RANBP2: variants seen among roughly 807,000 people sequenced by gnomAD.
The protein encoded by RANBP2 is RAN binding protein 2, also known as E3 SUMO-protein ligase RanBP2.
RANBP2 carries 57 observed loss-of-function variants against 303.6 expected under a neutral mutation model. That is an observed-to-expected ratio of 0.19 (90% CI 0.15 to 0.23). RANBP2 has a LOEUF of 0.23. Ranked by LOEUF, RANBP2 falls within the 10% of genes least tolerant of loss-of-function variation. RANBP2 has a pLI of 1.00. For synonymous variants in RANBP2, 1,167 were observed against 1,301.5 expected, an observed-to-expected ratio of 0.90 and a Z score of 2.23; for missense variants, 3,138 against 3,780.8, an observed-to-expected ratio of 0.83 and a Z score of 4.46.
chr2:109,121,064 G>T, the RANBP2 span, among the ~76,000 whole-genome samples: 2 of 152,118 alleles, frequency 1.3e-5, no homozygotes, highest in African/African-American at 2.4e-5. Flanking sequence ...AGCTAACATG[G>T]TGAAACCCCG....
At chr2:109,405,381 G>C in the RANBP2 span, among the ~76,000 whole-genome samples, 1 of 152,116 alleles carries the variant, frequency 6.6e-6, no homozygotes, top group South Asian at 2.1e-4. Flanking sequence ...CTGCCCCTGA[G>C]TTCCCTCCTG....
At chr2:109,389,436 A>T in the RANBP2 span, among the ~76,000 whole-genome samples, 3 of 152,204 alleles carry the variant, frequency 2.0e-5, no homozygotes, top group Admixed American at 6.5e-5. Context: ...ATACCGCATG[A>T]GTGTGTGAGC....
the RANBP2 span, among the ~76,000 whole-genome samples, chr2:109,019,808 G>C: frequency 6.6e-6 from 1 of 152,190 alleles, no homozygotes; most frequent in Non-Finnish European, 1.5e-5. Flanking sequence ...CCTGTCCACA[G>C]TACAATGAAA....
the RANBP2 span, among the ~76,000 whole-genome samples, chr2:108,902,961 G>A: frequency 4.6e-4 from 70 of 152,168 alleles, no homozygotes; most frequent in Non-Finnish European, 5.1e-4. Context: ...GAAATAAAAC[G>A]GTCCCATTTG....
the RANBP2 span, among the ~76,000 whole-genome samples, chr2:109,053,828 C>G: frequency 6.6e-6 from 1 of 152,076 alleles, no homozygotes; most frequent in Non-Finnish European, 1.5e-5. Context: ...TGTCCCTCTC[C>G]CACCCCCTCC....
At chr2:109,518,913 A>ATTTTTTTTTTTT in the RANBP2 span, among the ~76,000 whole-genome samples, 1 of 133,402 alleles carries the variant, frequency 7.5e-6, no homozygotes, top group African/African-American at 3.2e-5. Context: ...GGTGCTACAT[A>ATTTTTTTTTTTT]TCTTTTTTTT....
chr2:109,352,436 C>A, the RANBP2 span, among the ~76,000 whole-genome samples: 3 of 152,210 alleles, frequency 2.0e-5, no homozygotes, highest in East Asian at 5.8e-4. Context: ...GTGGAGGCCA[C>A]GGTCCCCTCA....
chr2:109,152,590 T>C, the RANBP2 span, among the ~76,000 whole-genome samples: 1 of 152,252 alleles, frequency 6.6e-6, no homozygotes, highest in East Asian at 1.9e-4. Flanking sequence ...TTACATTGTG[T>C]ATTATCAGAT....
rs141533438 is a variant in RANBP2, at chr2:108,765,198, A to C, written c.4659A>C (p.Leu1553Phe). ...KEGQWDCSSC[L>F]VRNEANATRC... The stretch of plus-strand genomic sequence containing the variant: ...GACAGTGGGATTGCAGTTCATGCTT[A>C]GTGCGAAATGAAGCAAATGCTACAA... Residue 1553 changes from leucine to phenylalanine, a missense_variant, in exon 20 of 29, where the codon TTA (leucine) becomes TTC (phenylalanine). By Grantham distance (22) the Leu-to-Phe change is conservative. This residue lies in a region of RANBP2 where 388 missense variants were observed against 328.5 expected (regional missense o/e 1.18). Coordinates refer to ENST00000283195, the MANE Select transcript of RANBP2 (RefSeq NM_006267.5). The C allele has an allele frequency of 1.2e-6, 2 of 1,614,158 alleles. No individual in the cohort carries two copies. The highest frequency in any genetic ancestry group is 3.3e-5 in the Admixed American group (2 of 60,016).
chr2:108,790,408 C>G (rs973662475), downstream of RANBP2, among the ~76,000 whole-genome samples: 1 of 152,106 alleles, frequency 6.6e-6, no homozygotes, highest in Non-Finnish European at 1.5e-5. Context: ...TAGTTGTGAT[C>G]TGGTCTGAAA....
chr2:109,103,004 C>G, the RANBP2 span, among the ~76,000 whole-genome samples: 68 of 152,288 alleles, frequency 4.5e-4, 3 homozygotes, highest in East Asian at 0.013. Context: ...AAGGAGCAAG[C>G]AGGTGGCAGC....
the RANBP2 span, among the ~76,000 whole-genome samples, chr2:109,209,058 C>G: frequency 6.6e-6 from 1 of 152,202 alleles, no homozygotes; most frequent in African/African-American, 2.4e-5. Context: ...AGACCCACAC[C>G]AACTTTCCGT....
the RANBP2 span, among the ~76,000 whole-genome samples, chr2:109,221,896 AC>A: frequency 3.9e-5 from 6 of 152,266 alleles, no homozygotes; most frequent in East Asian, 1.9e-4. Context: ...TCAAAGGGAT[AC>A]CTGCACCCCT....
At chr2:109,666,871 A>G in the RANBP2 span, among the ~76,000 whole-genome samples, 2 of 152,206 alleles carry the variant, frequency 1.3e-5, no homozygotes, top group Admixed American at 1.3e-4. Flanking sequence ...ATAGTTTTAT[A>G]CCATAGAAAT....
chr2:109,018,937 G>A, the RANBP2 span, among the ~76,000 whole-genome samples: 4 of 152,360 alleles, frequency 2.6e-5, no homozygotes, highest in Non-Finnish European at 2.9e-5. Context: ...GTGGTGACAC[G>A]TAGCATGCCC....
the RANBP2 span, among the ~76,000 whole-genome samples, chr2:109,145,939 C>G: frequency 7.2e-5 from 11 of 152,246 alleles, no homozygotes; most frequent in East Asian, 1.9e-3. Context: ...TCATGTCTCC[C>G]TCCCCACACA....
chr2:109,296,705 T>C, the RANBP2 span, among the ~76,000 whole-genome samples: 7 of 152,112 alleles, frequency 4.6e-5, no homozygotes, highest in African/African-American at 1.7e-4. Context: ...GCAGCAGAGA[T>C]TCTGCAGAGT....
At chr2:108,879,991 G>T in the RANBP2 span, among the ~76,000 whole-genome samples, 1 of 152,118 alleles carries the variant, frequency 6.6e-6, no homozygotes, top group Admixed American at 6.6e-5. Flanking sequence ...AAAATGTTAA[G>T]AGAACATAAG....
the RANBP2 span, among the ~76,000 whole-genome samples, chr2:108,840,812 CTTTTTATT>C: frequency 1.4e-5 from 2 of 142,194 alleles, no homozygotes; most frequent in African/African-American, 5.6e-5. Context: ...TTCTTTTTTT[CTTTTTATT>C]TTTTTGAGAC....
Sources: gnomAD v4.1 joint callset for allele counts (sites outside exome capture counted in the v4.1 genomes callset) on GRCh38, gnomAD v4.1.1 for gene constraint, gnomAD v4.1.1 regional missense constraint, MANE v1.5 for transcripts, NCBI Gene and HGNC (gene_info 2026-07-23, HGNC 2026-07-21) for gene names.